The following C2CD4A variants were observed in gnomAD, a reference collection of about 807,000 sequenced individuals.
C2CD4A encodes the protein C2 calcium-dependent domain-containing protein 4A.
In C2CD4A, 2 loss-of-function variants were observed where a neutral mutation model predicts 0.4. The ratio of observed to expected loss-of-function variants is 4.45; its 90% CI spans 1.82 to 13.99. The LOEUF is 13.99. Among genes scored for constraint, C2CD4A ranks in the 30% most tolerant of loss-of-function variants. The pLI, the probability that C2CD4A is intolerant of heterozygous loss-of-function variation, is 0.04. For synonymous variants in C2CD4A, 297 were observed against 280.8 expected, an observed-to-expected ratio of 1.06 and a Z score of -0.58; for missense variants, 610 against 574.2, an observed-to-expected ratio of 1.06 and a Z score of -0.64.
chr15:62,067,656 C>A lies in C2CD4A; in HGVS notation c.43C>A (p.Arg15=). The change falls in exon 2 of 2, where the codon CGG becomes AGG. Residue 15 remains arginine, a synonymous_variant. Coordinates refer to ENST00000355522, the MANE Select transcript of C2CD4A (RefSeq NM_207322.3). ...ACTCCGCTTGGGTCCTGAGTGCCTTCGGCGGAGCGGAGACTGGCTTCTCCC... is the reference window on the plus strand; with the variant it reads ...ACTCCGCTTGGGTCCTGAGTGCCTTAGGCGGAGCGGAGACTGGCTTCTCCC... ...ERLRLGPECL[R]RSGDWLLPGR... 1 of 1,605,574 alleles carries A rather than the reference C, an allele frequency of 6.2e-7. No individual in the cohort carries two copies. Among genetic ancestry groups the A allele is most frequent in the Non-Finnish European group, 8.5e-7 (1 of 1,179,284 alleles).
chr15:62,068,364 G>A lies in C2CD4A; in HGVS notation c.751G>A (p.Gly251Ser). 7.3e-7 allele frequency: 1 copy of A among 1,366,448 alleles called. No homozygotes were observed. Among genetic ancestry groups the A allele is most frequent in the Non-Finnish European group, 9.4e-7 (1 of 1,064,288 alleles). The allele number at this position is 1,366,448 out of a possible 1,614,324, so 84.6% of individuals were successfully genotyped here. A position where few individuals can be genotyped will look rare whatever the true frequency, so the allele number is the denominator to read the frequency against. ...GGAGGCCGAGGGCACCGTGGCTCTG[G>A]GCCGCGCCGGCGACGCCCTGCGCCT... ...RLEAEGTVAL[G>S]RAGDALRLAA... Residue 251 changes from glycine (G) to serine (S), a missense_variant, in exon 2 of 2, where the codon GGC becomes AGC. Physicochemically the swap from Gly to Ser is moderately conservative, Grantham distance 56 (BLOSUM62 0). Transcript: ENST00000355522.
In C2CD4A at chr15:62,067,602, G is replaced by A. The variant is rs202022559; in HGVS notation, c.-12G>A. ...CACTGCAGGTAGACAAGCTCCAGCA[G>A]AGAGTGGCCAGATGTGGTGCCTGGA... On this transcript the variant is annotated 5_prime_UTR_variant, in exon 2 of 2. Transcript: ENST00000355522. 23 of 1,574,396 alleles carry A rather than the reference G, an allele frequency of 1.5e-5. No individual in the cohort carries two copies. In the East Asian group the frequency reaches 5.2e-4, roughly 35 times the overall value.
chr15:62,068,256 G>C lies in C2CD4A; in HGVS notation c.643G>C (p.Glu215Gln). 7.3e-7 allele frequency: 1 copy of C among 1,375,594 alleles called. No homozygotes were observed. The highest frequency in any genetic ancestry group is 9.4e-7 in the Non-Finnish European group (1 of 1,065,088). The allele number at this position is 1,375,594 out of a possible 1,614,324, so 85.2% of individuals were successfully genotyped here. The change falls in exon 2 of 2, where the codon GAG (glutamate) becomes CAG (glutamine). Residue 215 changes from glutamate (E) to glutamine (Q), a missense_variant. Physicochemically the swap from Glu to Gln is conservative, Grantham distance 29 (BLOSUM62 2). Coordinates refer to ENST00000355522, the MANE Select transcript of C2CD4A (RefSeq NM_207322.3). ...CGTCTCCAGCGGGAACGAGGACAAG[G>C]AGCGCCGCGCGGGCTCCCAGTCCCC... is the stretch of plus-strand genomic sequence containing the variant. ...RSVSSGNEDK[E>Q]RRAGSQSPAR...
In C2CD4A at chr15:62,067,606, G is replaced by A. The variant is rs776142579; in HGVS notation, c.-8G>A. On this transcript the variant is annotated 5_prime_UTR_variant, in exon 2 of 2. It adds an upstream start codon to the 5' untranslated region. Coordinates refer to ENST00000355522, the MANE Select transcript of C2CD4A (RefSeq NM_207322.3). ...GCAGGTAGACAAGCTCCAGCAGAGA[G>A]TGGCCAGATGTGGTGCCTGGAGCGA... 5.1e-6 allele frequency: 8 copies of A among 1,576,514 alleles called. No homozygotes were observed. The South Asian group carries it at 6.9e-5, about 14-fold the overall frequency.
At position 62,068,666 on chromosome 15, in the gene C2CD4A, G is replaced by T. The variant is rs537660433; in HGVS notation, c.1053G>T (p.Glu351Asp). 31 of 1,547,710 alleles carry T rather than the reference G, an allele frequency of 2.0e-5. No homozygotes were observed. Among genetic ancestry groups the T allele is most frequent in the South Asian group, 2.4e-5 (2 of 83,976 alleles). Residue 351 changes from glutamate (E) to aspartate (D), a missense_variant, in exon 2 of 2, where the codon GAG becomes GAT. Coordinates refer to ENST00000355522, the MANE Select transcript of C2CD4A (RefSeq NM_207322.3). ...VKARDEGRGR[E>D]RGRLLGQGEL... ...CCCGGGACGAGGGCCGCGGCCGGGA[G>T]CGGGGCCGCCTGCTGGGCCAGGGTG... is the stretch of plus-strand genomic sequence containing the variant.
At position 62,068,618 on chromosome 15, in the gene C2CD4A, C is replaced by T. The variant is rs758737998; in HGVS notation, c.1005C>T (p.Arg335=). 1.5e-5 allele frequency: 23 copies of T among 1,559,824 alleles called. No individual in the cohort carries two copies. In the South Asian group the frequency reaches 1.8e-4, roughly 12 times the overall value. The change falls in exon 2 of 2, where the codon CGC becomes CGT. Residue 335 remains arginine (R), a synonymous_variant. Coordinates refer to ENST00000355522, the MANE Select transcript of C2CD4A (RefSeq NM_207322.3). Reference sequence around the variant, plus strand: ...ACGGCCTCTCGGAGGACGAAGTGCGCCGCCTGGCCGTTCGAGTCAAGGCCC... The same window carrying T: ...ACGGCCTCTCGGAGGACGAAGTGCGTCGCCTGGCCGTTCGAGTCAAGGCCC... The part of the protein sequence containing the change: ...CFDGLSEDEV[R]RLAVRVKARD...
rs1208376595 is a variant in C2CD4A, at chr15:62,068,403, T to C, written c.790T>C (p.Cys264Arg). ...CGCCCTGCGCCTGGCCGCCGAGTAC[T>C]GTCCGGGAACCGGGCGGCTCCGCCT... ...GDALRLAAEY[C>R]PGTGRLRLRL... The change falls in exon 2 of 2, where the codon TGT (cysteine) becomes CGT (arginine). Residue 264 changes from cysteine to arginine, a missense_variant. Coordinates refer to ENST00000355522, the MANE Select transcript of C2CD4A (RefSeq NM_207322.3). The C allele has an allele frequency of 1.4e-6, 2 of 1,398,998 alleles. No individual in the cohort carries two copies. Among genetic ancestry groups the C allele is most frequent in the Admixed American group, 3.3e-5 (1 of 29,872 alleles). The allele number at this position is 1,398,998 out of a possible 1,614,324, so 86.7% of individuals were successfully genotyped here.
rs1400131512 is a variant in C2CD4A, at chr15:62,068,661, C to T, written c.1048C>T (p.Arg350Trp). 1.3e-6 allele frequency: 2 copies of T among 1,548,562 alleles called. No homozygotes were observed. Among genetic ancestry groups the T allele is most frequent in the South Asian group, 1.2e-5 (1 of 84,034 alleles). The change falls in exon 2 of 2, where the codon CGG becomes TGG. Residue 350 changes from arginine to tryptophan, a missense_variant. Transcript: ENST00000355522. ...RVKARDEGRG[R>W]ERGRLLGQGE... ...CAAGGCCCGGGACGAGGGCCGCGGC[C>T]GGGAGCGGGGCCGCCTGCTGGGCCA...
rs1286313681 is a variant in C2CD4A at position 62,068,416 on chromosome 15, G to A, written c.803G>A (p.Gly268Glu). ...GCCGCCGAGTACTGTCCGGGAACCG[G>A]GCGGCTCCGCCTCCGGCTGCTCCGC... Reference protein sequence around the residue: ...RLAAEYCPGTGRLRLRLLRAE... With the variant: ...RLAAEYCPGTERLRLRLLRAE... The change falls in exon 2 of 2, where the codon GGG becomes GAG. Residue 268 changes from glycine to glutamate, a missense_variant. Physicochemically the swap from Gly to Glu is moderately conservative, Grantham distance 98. Coordinates refer to ENST00000355522, the MANE Select transcript of C2CD4A (RefSeq NM_207322.3). 7.1e-7 allele frequency: 1 copy of A among 1,399,872 alleles called. No homozygotes were observed. 86.7% of individuals were successfully genotyped at this position (1,399,872 alleles called of 1,614,324 possible).
intron 1 of C2CD4A, 63 bp downstream of exon 1, chr15:62,067,151 C>T (rs8039651): frequency 0.43 from 66,485 of 154,798 alleles, 14,918 homozygotes; most frequent in Admixed American, 0.52. Flanking sequence ...AGGCTCTTTG[C>T]CTCTGCAAGG....
In C2CD4A at chr15:62,070,461, C is replaced by G. The variant is rs1315371542; in HGVS notation, c.*1738C>G. 2.4e-6 allele frequency: 1 copy of G among 413,334 alleles called. No homozygotes were observed. Among genetic ancestry groups the G allele is most frequent in the African/African-American group, 2.1e-5 (1 of 48,622 alleles). The allele number at this position is 413,334 out of a possible 1,614,324, so 25.6% of individuals were successfully genotyped here. A position where few individuals can be genotyped will look rare whatever the true frequency, so the allele number is the denominator to read the frequency against. ...AGGATTATAGGCGTGAGCCACCATG[C>G]CCGACCAGTTTCTGCTTTTATTAAA... On this transcript the variant is annotated 3_prime_UTR_variant, in exon 2 of 2. Transcript: ENST00000355522.
At position 62,068,807 on chromosome 15, in the gene C2CD4A, G is replaced by A; in HGVS notation, c.*84G>A. ...GGTACAAAATAAACGTGTATTTGTT[G>A]TTCTTATCAGTCCCGTTTCAGTACA... On this transcript the variant is annotated 3_prime_UTR_variant, in exon 2 of 2. Coordinates refer to ENST00000355522, the MANE Select transcript of C2CD4A (RefSeq NM_207322.3). The A allele has an allele frequency of 7.1e-7, 1 of 1,400,266 alleles. No homozygotes were observed. Among genetic ancestry groups the A allele is most frequent in the African/African-American group, 1.5e-5 (1 of 66,930 alleles). 86.7% of individuals were successfully genotyped at this position (1,400,266 alleles called of 1,614,324 possible). A position where few individuals can be genotyped will look rare whatever the true frequency, so the allele number is the denominator to read the frequency against.
In C2CD4A at chr15:62,068,280, C is replaced by G; in HGVS notation, c.667C>G (p.Pro223Ala). 6 of 1,389,752 alleles carry G rather than the reference C, an allele frequency of 4.3e-6. No individual in the cohort carries two copies. Among genetic ancestry groups the G allele is most frequent in the Non-Finnish European group, 5.6e-6 (6 of 1,073,108 alleles). The allele number at this position is 1,389,752 out of a possible 1,614,324, so 86.1% of individuals were successfully genotyped here. ...DKERRAGSQS[P>A]ARAPSTSPPS... The stretch of plus-strand genomic sequence containing the variant: ...GGAGCGCCGCGCGGGCTCCCAGTCC[C>G]CGGCCCGGGCCCCCTCCACGAGCCC... The change falls in exon 2 of 2, where the codon CCG becomes GCG. Residue 223 changes from proline (P) to alanine (A), a missense_variant. Physicochemically the swap from Pro to Ala is conservative, Grantham distance 27. Coordinates refer to ENST00000355522, the MANE Select transcript of C2CD4A (RefSeq NM_207322.3).
rs2049070000 is a variant in C2CD4A at position 62,069,424 on chromosome 15, A to G, written c.*701A>G. 1 of 160,252 alleles carries G rather than the reference A, an allele frequency of 6.2e-6. No homozygotes were observed. The highest frequency in any genetic ancestry group is 2.4e-5 in the African/African-American group (1 of 41,432). 9.9% of individuals were successfully genotyped at this position (160,252 alleles called of 1,614,324 possible). Reference sequence around the variant, plus strand: ...ATGGGAAGACCGCGTCTCCATAAAAAATACAAAATTTAGCCGGACGTGGTG... The same window carrying G: ...ATGGGAAGACCGCGTCTCCATAAAAGATACAAAATTTAGCCGGACGTGGTG... On this transcript the variant is annotated 3_prime_UTR_variant, in exon 2 of 2. Coordinates refer to ENST00000355522, the MANE Select transcript of C2CD4A (RefSeq NM_207322.3).
In C2CD4A at chr15:62,068,706, G is replaced by A. The variant is rs954501436; in HGVS notation, c.1093G>A (p.Ala365Thr). 2.0e-6 allele frequency: 3 copies of A among 1,520,968 alleles called. No individual in the cohort carries two copies. Among genetic ancestry groups the A allele is most frequent in the African/African-American group, 2.8e-5 (2 of 71,644 alleles). The allele number at this position is 1,520,968 out of a possible 1,614,324, so 94.2% of individuals were successfully genotyped here. A position where few individuals can be genotyped will look rare whatever the true frequency, so the allele number is the denominator to read the frequency against. The change falls in exon 2 of 2, where the codon GCC becomes ACC. Residue 365 changes from alanine (A) to threonine (T), a missense_variant. By Grantham distance (58) the Ala-to-Thr change is moderately conservative (BLOSUM62 0). Transcript: ENST00000355522. ...GGGCCAGGGTGAGCTGTCCCTGGGC[G>A]CCCTCCTGCTGCTCTGAGGGCCCAG... The part of the protein sequence containing the change: ...LLGQGELSLG[A>T]LLLL
In C2CD4A at chr15:62,068,876, T is replaced by G; in HGVS notation, c.*153T>G. ...CTAGATTAACTATCCCAGTAAAAGATATGATATTTTCCATAGATACCTCCA... is the reference window on the plus strand; with the variant it reads ...CTAGATTAACTATCCCAGTAAAAGAGATGATATTTTCCATAGATACCTCCA... On this transcript the variant is annotated 3_prime_UTR_variant, in exon 2 of 2. Transcript: ENST00000355522. 1 of 1,139,996 alleles carries G rather than the reference T, an allele frequency of 8.8e-7. No individual in the cohort carries two copies. The highest frequency in any genetic ancestry group is 1.6e-5 in the African/African-American group (1 of 61,646). 70.6% of individuals were successfully genotyped at this position (1,139,996 alleles called of 1,614,324 possible).
chr15:62,068,996 G>A lies in C2CD4A; in HGVS notation c.*273G>A. On this transcript the variant is annotated 3_prime_UTR_variant, in exon 2 of 2. Transcript: ENST00000355522. ...GTACCACACACGCCTAGGAAATAAT[G>A]AATCACATGAAGTGTTAGAACTAGA... The A allele has an allele frequency of 2.5e-6, 1 of 397,520 alleles. No individual in the cohort carries two copies. The highest frequency in any genetic ancestry group is 4.6e-6 in the Non-Finnish European group (1 of 218,194). 24.6% of individuals were successfully genotyped at this position (397,520 alleles called of 1,614,324 possible).
In C2CD4A at chr15:62,068,851, C is replaced by G; in HGVS notation, c.*128C>G. 1 of 1,222,132 alleles carries G rather than the reference C, an allele frequency of 8.2e-7. No individual in the cohort carries two copies. The highest frequency in any genetic ancestry group is 1.1e-6 in the Non-Finnish European group (1 of 923,198). The allele number at this position is 1,222,132 out of a possible 1,614,324, so 75.7% of individuals were successfully genotyped here. A position where few individuals can be genotyped will look rare whatever the true frequency, so the allele number is the denominator to read the frequency against. ...CAGTACAACACTGGCAGAGATGATT[C>G]TAGATTAACTATCCCAGTAAAAGAT... On this transcript the variant is annotated 3_prime_UTR_variant, in exon 2 of 2. Coordinates refer to ENST00000355522, the MANE Select transcript of C2CD4A (RefSeq NM_207322.3).
Position 62,067,821 on chromosome 15 carries a change from G to C in C2CD4A, c.208G>C (p.Glu70Gln). The C allele has an allele frequency of 6.2e-7, 1 of 1,611,544 alleles. No individual in the cohort carries two copies. Among genetic ancestry groups the C allele is most frequent in the Non-Finnish European group, 8.5e-7 (1 of 1,179,798 alleles). The change falls in exon 2 of 2, where the codon GAA becomes CAA. Residue 70 changes from glutamate to glutamine, a missense_variant. Transcript: ENST00000355522. The stretch of plus-strand genomic sequence containing the variant: ...GGCTGCGCTCCGGAATTCTTGGGTC[G>C]AAGAAGCAGGGATGGACGAGGGCGC... ...ALAALRNSWVEEAGMDEGAGR... is the reference protein window; with the variant it reads ...ALAALRNSWVQEAGMDEGAGR...
Sources: allele counts gnomAD v4.1 joint callset, GRCh38; gene constraint gnomAD v4.1.1; transcripts MANE v1.5; gene names NCBI Gene and HGNC (gene_info 2026-07-23, HGNC 2026-07-21).